The following HEBP1 variants were observed in gnomAD, a reference collection of about 807,000 sequenced individuals.
The protein encoded by HEBP1 is heme-binding protein 1.
In HEBP1, 13 loss-of-function variants were observed where a neutral mutation model predicts 20.4. The ratio of observed to expected loss-of-function variants is 0.64; its 90% CI spans 0.42 to 1.01. HEBP1 has a LOEUF of 1.01. Among genes scored for constraint, HEBP1 ranks in the 50% least tolerant of loss-of-function variants. The pLI, the probability that HEBP1 is intolerant of heterozygous loss-of-function variation, is 0.00. For missense variants in HEBP1, 241 were observed against 247.3 expected, an observed-to-expected ratio of 0.97 and a Z score of 0.17; for synonymous variants, 92 against 90.7, an observed-to-expected ratio of 1.01 and a Z score of -0.08.
In HEBP1 at chr12:12,990,349, T is replaced by A. The variant is rs201511277; in HGVS notation, c.79-934A>T. On this transcript the variant is annotated intron_variant, in intron 1 of 3. Transcript: ENST00000014930. ...ATGCCCTGCTAATTAAAAAAAAAAA[T>A]TTTTTTTTTTTTTTGGTAGAGTCTC... Among the ~76,000 whole-genome samples the A allele has an allele frequency of 2.4e-3, 32 of 13,344 alleles. No individual in the cohort carries two copies. In the South Asian group the frequency reaches 0.041, roughly 17 times the overall value. The allele number at this position is 13,344 out of a possible 152,430, so 8.8% of individuals were successfully genotyped here.
At chr12:12,989,880 TAGG>T (rs1047800867) in intron 1 of HEBP1, among the ~76,000 whole-genome samples, 3 of 152,200 alleles carry the variant, frequency 2.0e-5, no homozygotes, top group Admixed American at 6.5e-5. Context: ...CTCATTCTAG[TAGG>T]AGGACTGCAA....
At chr12:12,979,024 A>G (rs1315993223) in intron 3 of HEBP1, 1 of 152,266 alleles carries the variant, frequency 6.6e-6, no homozygotes, top group Non-Finnish European at 1.5e-5. Flanking sequence ...CCCAGTGGGT[A>G]GGTACTGGCT....
chr12:12,981,982 C>T (rs1241400515), intron 3 of HEBP1, among the ~76,000 whole-genome samples: 1 of 152,124 alleles, frequency 6.6e-6, no homozygotes, highest in African/African-American at 2.4e-5. Context: ...TATCCATTCA[C>T]CAACTTGTTT....
In HEBP1 at chr12:12,975,393, C is replaced by G. The variant is rs370601830; in HGVS notation, c.485G>C (p.Arg162Pro). Residue 162 changes from arginine (R) to proline (P), a missense_variant, in exon 4 of 4, where the codon CGG becomes CCG. Arg to Pro is a moderately radical substitution (Grantham distance 103). Coordinates refer to ENST00000014930, the MANE Select transcript of HEBP1 (RefSeq NM_015987.5). ...ACCCGTGCAGAAGTAGATGTCCCCC[C>G]GGTAGGTGGCTGTGCCCTCCAGGGC... ...RAALEGTATY[R>P]GDIYFCTGYD... 2 of 1,613,668 alleles carry G rather than the reference C, an allele frequency of 1.2e-6. No individual in the cohort carries two copies. The highest frequency in any genetic ancestry group is 1.3e-5 in the African/African-American group (1 of 74,892).
chr12:12,995,765 A>C (rs1864280889), intron 1 of HEBP1, among the ~76,000 whole-genome samples: 1 of 152,224 alleles, frequency 6.6e-6, no homozygotes, highest in South Asian at 2.1e-4. Context: ...TTAAAATTTA[A>C]CATCTTTAGT....
intron 3 of HEBP1, among the ~76,000 whole-genome samples, chr12:12,976,077 C>CA (rs56110606): frequency 0.043 from 3,674 of 85,656 alleles, 111 homozygotes; most frequent in African/African-American, 0.077. Flanking sequence ...GACCCTGTGT[C>CA]AAAAAAAAAA....
chr12:12,994,643 C>T (rs369335894), intron 1 of HEBP1, among the ~76,000 whole-genome samples: 5 of 152,108 alleles, frequency 3.3e-5, no homozygotes, highest in East Asian at 3.9e-4. Context: ...AACTTCACCA[C>T]CTCCTCCTCC....
intron 3 of HEBP1, chr12:12,980,258 C>T (rs1332184042): frequency 2.0e-5 from 3 of 152,176 alleles, no homozygotes; most frequent in African/African-American, 7.2e-5. Context: ...GCACAAAATG[C>T]AAGCCAGACA....
intron 3 of HEBP1, chr12:12,984,457 T>C (rs1864127404): frequency 6.6e-6 from 1 of 152,238 alleles, no homozygotes; most frequent in Admixed American, 6.5e-5. Flanking sequence ...ATCTAGTCTT[T>C]AGTTTCAACT....
At chr12:12,987,059 A>G (rs1864161154) in intron 3 of HEBP1, 93 bp downstream of exon 3, 4 of 997,082 alleles carry the variant, frequency 4.0e-6, no homozygotes, top group Non-Finnish European at 6.0e-6. Flanking sequence ...CAGCAACCAT[A>G]AAAATTTGAC....
chr12:12,985,490 CAAAAG>C (rs1864140101), intron 3 of HEBP1, among the ~76,000 whole-genome samples: 1 of 150,902 alleles, frequency 6.6e-6, no homozygotes, highest in Admixed American at 6.6e-5. Context: ...AAGTTAAAGA[CAAAAG>C]AAAAAAAAAT....
intron 1 of HEBP1, among the ~76,000 whole-genome samples, chr12:12,990,867 G>C (rs1864216877): frequency 6.6e-6 from 1 of 152,146 alleles, no homozygotes; most frequent in Non-Finnish European, 1.5e-5. Context: ...CGATGGATCA[G>C]CTGACACCAC....
At chr12:12,990,625 G>C (rs1864213078) in intron 1 of HEBP1, among the ~76,000 whole-genome samples, 1 of 152,202 alleles carries the variant, frequency 6.6e-6, no homozygotes, top group Non-Finnish European at 1.5e-5. Flanking sequence ...TTCGTGGCTT[G>C]ACTCTGAAAG....
rs1267121640 is a variant in HEBP1 at position 12,998,975 on chromosome 12, G to A, written c.78+1062C>T. On this transcript the variant is annotated intron_variant, in intron 1 of 3. Coordinates refer to ENST00000014930, the MANE Select transcript of HEBP1 (RefSeq NM_015987.5). This position sits in a 1 kb window ranked among gnomAD's most constrained non-coding sequence, Gnocchi z 4.2. ...GCCAAAAGCAATGGTACAGCTCTGG[G>A]CCTTTGTGCATGCTCTTCTCTGTTG... Among the ~76,000 whole-genome samples, 3 of 152,186 alleles carry A rather than the reference G, an allele frequency of 2.0e-5. No homozygotes were observed. Among genetic ancestry groups the A allele is most frequent in the African/African-American group, 7.2e-5 (3 of 41,444 alleles).
intron 3 of HEBP1, among the ~76,000 whole-genome samples, chr12:12,978,237 G>GTCTC (rs1215149301): frequency 8.9e-6 from 1 of 111,842 alleles, no homozygotes; most frequent in Admixed American, 1.2e-4. Flanking sequence ...TTGAGACAGA[G>GTCTC]TCTCACTCTA....
intron 1 of HEBP1, among the ~76,000 whole-genome samples, chr12:12,994,597 C>T (rs961503468): frequency 2.6e-5 from 4 of 152,120 alleles, no homozygotes; most frequent in African/African-American, 9.7e-5. Context: ...AGCCAAGTCC[C>T]CCATGATACA....
intron 2 of HEBP1, among the ~76,000 whole-genome samples, chr12:12,987,612 T>TTTTTC (rs1555114947): frequency 8.5e-6 from 1 of 117,786 alleles, no homozygotes; most frequent in African/African-American, 3.1e-5. Context: ...CTCTCTCTCT[T>TTTTTC]TCTCTCTCTC....
At chr12:12,983,295 C>T (rs1864110225) in intron 3 of HEBP1, 2 of 176,194 alleles carry the variant, frequency 1.1e-5, no homozygotes, top group Admixed American at 1.2e-4. Flanking sequence ...AATTCTATTG[C>T]CTCTTGTGAA....
At chr12:12,993,904 G>C (rs1864260882) in intron 1 of HEBP1, among the ~76,000 whole-genome samples, 1 of 152,190 alleles carries the variant, frequency 6.6e-6, no homozygotes, top group Non-Finnish European at 1.5e-5. Context: ...ACTTAGGTTA[G>C]TTTATGGGGC....
Sources: allele counts gnomAD v4.1 joint callset (sites outside exome capture counted in the v4.1 genomes callset), GRCh38; gene constraint gnomAD v4.1.1; non-coding constraint Gnocchi (gnomAD v3.1); transcripts MANE v1.5; gene names NCBI Gene and HGNC (gene_info 2026-07-23, HGNC 2026-07-21).